The following MPP7 variants were observed in gnomAD, a reference collection of about 807,000 sequenced individuals.
MPP7 encodes MAGUK p55 subfamily member 7.
MPP7 carries 60 observed loss-of-function variants against 76.5 expected under a neutral mutation model. The observed-to-expected ratio is 0.78, with a 90% CI of 0.64 to 0.97. The LOEUF (loss-of-function observed/expected upper bound fraction) is 0.97. Among genes scored for constraint, MPP7 ranks in the 50% least tolerant of loss-of-function variants. The pLI is 0.00. For missense variants in MPP7, 641 were observed against 694.0 expected, an observed-to-expected ratio of 0.92 and a Z score of 0.86; for synonymous variants, 237 against 244.5, an observed-to-expected ratio of 0.97 and a Z score of 0.29.
intron 1 of MPP7, among the ~76,000 whole-genome samples, chr10:28,259,164 T>G (rs1171059491): frequency 1.3e-5 from 2 of 152,238 alleles, no homozygotes; most frequent in African/African-American, 4.8e-5. Context: ...GTTCTCACAC[T>G]TTTGATCATT....
chr10:28,218,972 T>C (rs1275774430), intron 2 of MPP7, among the ~76,000 whole-genome samples: 1 of 152,148 alleles, frequency 6.6e-6, no homozygotes, highest in East Asian at 1.9e-4. Context: ...AATACATCTA[T>C]GCCACAATCA....
intron 1 of MPP7, among the ~76,000 whole-genome samples, chr10:28,277,405 A>C (rs998664572): frequency 1.3e-5 from 2 of 151,878 alleles, no homozygotes; most frequent in African/African-American, 4.8e-5. Context: ...TTTTTAAAAA[A>C]TTAAAATCAC....
chr10:28,266,807 A>C (rs1840163122), intron 1 of MPP7, among the ~76,000 whole-genome samples: 1 of 152,234 alleles, frequency 6.6e-6, no homozygotes, highest in African/African-American at 2.4e-5. Context: ...CTCAATAGTC[A>C]GTAAACTCTT....
At chr10:28,233,250 T>C (rs1838950059) in intron 2 of MPP7, among the ~76,000 whole-genome samples, 1 of 152,346 alleles carries the variant, frequency 6.6e-6, no homozygotes, top group Non-Finnish European at 1.5e-5. Context: ...ATGATCCGTT[T>C]GCTAAGGATT....
At chr10:28,086,926 T>C (rs1017888364) in intron 12 of MPP7, among the ~76,000 whole-genome samples, 7 of 151,172 alleles carry the variant, frequency 4.6e-5, no homozygotes, top group African/African-American at 1.7e-4. Context: ...GAGTCAAATC[T>C]GGAGAGGTGG....
At position 28,302,871 on chromosome 10, in the gene MPP7, C is replaced by A. The variant is rs1841198212; in HGVS notation, c.-142G>T. Among the ~76,000 whole-genome samples, 3 of 152,230 alleles carry A rather than the reference C, an allele frequency of 2.0e-5. No individual in the cohort carries two copies. In the South Asian group the frequency reaches 6.2e-4, roughly 32 times the overall value. Reference sequence around the variant, plus strand: ...GAGGCGCCCCATTACCTGCTCTGGGCTGCCGCGGTCCGCGGGCAGGAGGCG... The same window carrying A: ...GAGGCGCCCCATTACCTGCTCTGGGATGCCGCGGTCCGCGGGCAGGAGGCG... On this transcript the variant is annotated 5_prime_UTR_variant, in exon 1 of 17. Transcript: ENST00000683449.
At chr10:28,082,281 T>G (rs1852798987) in intron 12 of MPP7, among the ~76,000 whole-genome samples, 2 of 152,244 alleles carry the variant, frequency 1.3e-5, no homozygotes, top group Admixed American at 1.3e-4. Context: ...TAATAAGTGT[T>G]TTAACACTGA....
chr10:28,307,907 G>T (rs1564769471), upstream of MPP7, among the ~76,000 whole-genome samples: 2 of 152,274 alleles, frequency 1.3e-5, no homozygotes, highest in East Asian at 3.9e-4. Context: ...GCTAGCAGGG[G>T]TTGCTCTCCA....
At chr10:28,124,702 A>G (rs940214432) in intron 7 of MPP7, among the ~76,000 whole-genome samples, 1 of 150,480 alleles carries the variant, frequency 6.6e-6, no homozygotes, top group African/African-American at 2.4e-5. Context: ...CCAGGATGGT[A>G]TTGATCTCCT....
At chr10:28,117,931 CAG>C (rs1247323391) in intron 11 of MPP7, among the ~76,000 whole-genome samples, 2 of 150,690 alleles carry the variant, frequency 1.3e-5, no homozygotes, top group Non-Finnish European at 3.0e-5. Context: ...ATAAGAGAGA[CAG>C]AGAGAGAGGA....
chr10:28,139,296 T>A (rs139852163), intron 5 of MPP7, among the ~76,000 whole-genome samples: 347 of 152,284 alleles, frequency 2.3e-3, no homozygotes, highest in African/African-American at 8.1e-3. Context: ...CCAGAAACAC[T>A]TGAGCTTGGG....
intron 15 of MPP7, 64 bp downstream of exon 15, chr10:28,058,431 C>T (rs1191669559): frequency 1.3e-6 from 1 of 799,666 alleles, no homozygotes; most frequent in East Asian, 2.8e-5. Flanking sequence ...TACTGAAATG[C>T]TCACATGAGG....
At chr10:28,110,058 T>C (rs1254290725) in intron 11 of MPP7, among the ~76,000 whole-genome samples, 2 of 151,602 alleles carry the variant, frequency 1.3e-5, no homozygotes, top group Non-Finnish European at 2.9e-5. Flanking sequence ...TATACGAGAC[T>C]TGTCTGAGAG....
At chr10:28,127,249 G>A (rs1364180828) in intron 6 of MPP7, among the ~76,000 whole-genome samples, 2 of 152,084 alleles carry the variant, frequency 1.3e-5, no homozygotes, top group Admixed American at 1.3e-4. Context: ...TGTTTATTGA[G>A]AACTTACTCT....
chr10:28,069,936 A>T, intron 12 of MPP7, 84 bp from the exon 13 acceptor site: 1 of 956,384 alleles, frequency 1.0e-6, no homozygotes, highest in Non-Finnish European at 1.6e-6. Context: ...TCTAAGACAG[A>T]CTGAAAACAT....
At chr10:28,084,549 T>C (rs985114688) in intron 12 of MPP7, among the ~76,000 whole-genome samples, 2 of 152,130 alleles carry the variant, frequency 1.3e-5, no homozygotes, top group Non-Finnish European at 2.9e-5. Flanking sequence ...AGAATGCATG[T>C]TAAATCTGAC....
intron 12 of MPP7, among the ~76,000 whole-genome samples, chr10:28,073,676 A>T (rs1322702462): frequency 6.6e-6 from 1 of 152,136 alleles, no homozygotes; most frequent in Non-Finnish European, 1.5e-5. Flanking sequence ...AGGCTGAGGC[A>T]AGAGAATCGC....
At chr10:28,228,356 A>T (rs1193777807) in intron 2 of MPP7, among the ~76,000 whole-genome samples, 1 of 152,186 alleles carries the variant, frequency 6.6e-6, no homozygotes, top group Non-Finnish European at 1.5e-5. Flanking sequence ...CTATCACTTT[A>T]AGGATAAAGG....
intron 1 of MPP7, among the ~76,000 whole-genome samples, chr10:28,288,923 G>A (rs747115751): frequency 5.3e-5 from 8 of 152,142 alleles, no homozygotes; most frequent in Non-Finnish European, 7.4e-5. Flanking sequence ...TGTGAGGTTA[G>A]AAGACCTCGG....
Sources: gnomAD v4.1 joint callset for allele counts (sites outside exome capture counted in the v4.1 genomes callset) on GRCh38, gnomAD v4.1.1 for gene constraint, MANE v1.5 for transcripts, NCBI Gene and HGNC (gene_info 2026-07-23, HGNC 2026-07-21) for gene names.